The following ZNF385D variants were observed in gnomAD, a reference collection of about 807,000 sequenced individuals.
ZNF385D encodes zinc finger protein 659.
ZNF385D carries 15 observed loss-of-function variants against 35.8 expected under a neutral mutation model. That is an observed-to-expected ratio of 0.42 (90% CI 0.28 to 0.64). The LOEUF is 0.64. ZNF385D is among the 30% of genes least tolerant of loss of function. The probability of loss-of-function intolerance (pLI) is 0.23; values close to 1 mark genes in which losing one functional copy is unlikely to be tolerated. For missense variants in ZNF385D, 474 were observed against 494.6 expected (o/e 0.96, Z 0.39); for synonymous variants, 212 against 186.8 (o/e 1.13, Z -1.10).
At chr3:22,151,655 G>A (rs1463234445) in intron 3 of ZNF385D, among the ~76,000 whole-genome samples, 2 of 152,040 alleles carry the variant, frequency 1.3e-5, no homozygotes, top group African/African-American at 4.8e-5. Flanking sequence ...ATTGGCTGGG[G>A]CCCACCCGAA....
intron 2 of ZNF385D, among the ~76,000 whole-genome samples, chr3:22,315,280 A>G (rs1703823197): frequency 6.6e-6 from 1 of 152,176 alleles, no homozygotes; most frequent in Non-Finnish European, 1.5e-5. Context: ...TTGGGAAACA[A>G]TGACTTGTTT....
chr3:22,071,092 A>G (rs1412989360), intron 3 of ZNF385D, among the ~76,000 whole-genome samples: 3 of 152,184 alleles, frequency 2.0e-5, no homozygotes, highest in Non-Finnish European at 4.4e-5. Context: ...TATTTATGAC[A>G]TAGCTCAGTC....
intron 3 of ZNF385D, among the ~76,000 whole-genome samples, chr3:22,039,343 T>G (rs1198343066): frequency 6.6e-6 from 1 of 151,228 alleles, no homozygotes; most frequent in Non-Finnish European, 1.5e-5. Flanking sequence ...GTCAACTTCC[T>G]AAAATCAGGC....
chr3:21,808,609 T>G (rs1456292408), intron 3 of ZNF385D, among the ~76,000 whole-genome samples: 1 of 152,216 alleles, frequency 6.6e-6, no homozygotes, highest in Non-Finnish European at 1.5e-5. Flanking sequence ...AGCTACTGGG[T>G]GGACTGTTGT....
intron 1 of ZNF385D, among the ~76,000 whole-genome samples, chr3:21,688,778 G>A (rs7625976): frequency 0.14 from 21,849 of 152,160 alleles, 1,873 homozygotes; most frequent in African/African-American, 0.22. Flanking sequence ...CACAAAGAGA[G>A]ATTTCTCAGT....
At chr3:22,021,477 C>G (rs1243237802) in intron 3 of ZNF385D, among the ~76,000 whole-genome samples, 1 of 152,048 alleles carries the variant, frequency 6.6e-6, no homozygotes, top group Non-Finnish European at 1.5e-5. Flanking sequence ...CAGAGTCAAA[C>G]TGACCTAGGT....
intron 3 of ZNF385D, among the ~76,000 whole-genome samples, chr3:22,023,037 A>C (rs193145608): frequency 2.3e-4 from 35 of 152,308 alleles, no homozygotes; most frequent in African/African-American, 7.2e-4. Flanking sequence ...CCTTAAAAAT[A>C]ATGTGTATTC....
intron 2 of ZNF385D, among the ~76,000 whole-genome samples, chr3:21,655,642 C>G (rs2066051143): frequency 6.6e-6 from 1 of 151,834 alleles, no homozygotes; most frequent in Non-Finnish European, 1.5e-5. Flanking sequence ...TTGAGGTATA[C>G]CAAATTATTA....
chr3:22,144,575 A>C, intron 3 of ZNF385D, among the ~76,000 whole-genome samples: 1 of 37,710 alleles, frequency 2.7e-5, no homozygotes. Context: ...TCCATTTCAA[A>C]AAAAAAAAAA....
intron 2 of ZNF385D, among the ~76,000 whole-genome samples, chr3:22,184,499 G>C (rs6808997): frequency 0.62 from 94,836 of 151,944 alleles, 31,714 homozygotes; most frequent in African/African-American, 0.87. Context: ...TTCAACTACA[G>C]AAACAAAAGA....
intron 2 of ZNF385D, among the ~76,000 whole-genome samples, chr3:22,358,564 G>A (rs572946275): frequency 1.3e-4 from 20 of 151,748 alleles, no homozygotes; most frequent in South Asian, 1.2e-3. Flanking sequence ...GAGGAAGTGC[G>A]GTCATAAAAT....
At chr3:21,753,627 A>G (rs543386491), upstream of ZNF385D, among the ~76,000 whole-genome samples, 1 of 152,372 alleles carries the variant, frequency 6.6e-6, no homozygotes, top group African/African-American at 2.4e-5. Flanking sequence ...CTTATCTGGA[A>G]TGTAGAAGCT....
At chr3:22,013,402 G>A (rs1231232166) in intron 3 of ZNF385D, among the ~76,000 whole-genome samples, 3 of 152,040 alleles carry the variant, frequency 2.0e-5, no homozygotes, top group Admixed American at 6.6e-5. Flanking sequence ...ACCATATTAT[G>A]GCAGTTAGAA....
rs1701598238 is a variant in ZNF385D at position 21,437,191 on chromosome 3, C to A, written c.452G>T (p.Gly151Val). 1.9e-6 allele frequency: 3 copies of A among 1,613,038 alleles called. No homozygotes were observed. Among genetic ancestry groups the A allele is most frequent in the Non-Finnish European group, 2.5e-6 (3 of 1,179,608 alleles). The change falls in exon 5 of 8, where the codon GGG (glycine) becomes GTG (valine). Residue 151 changes from glycine to valine, a missense_variant. Transcript: ENST00000281523. ...TGTCGTCGTTGATATTGCTGGTGTC[C>A]CTGCAGTACCGTCTGTATTCAAAAT... ...TSSDKTDGTAGTPAISTTTTV... is the reference protein window; with the variant it reads ...TSSDKTDGTAVTPAISTTTTV...
rs764053309 is a variant in ZNF385D, at chr3:21,939,774, T to C, written c.325+229043A>G. On this transcript the variant is annotated intron_variant, in intron 3 of 5. Transcript: ENST00000494108. The stretch of plus-strand genomic sequence containing the variant: ...TGAAGGTTTTAAGCACTAGATTCGA[T>C]AGGAGAAAGACTTTGGAAAAGGAAT... Among the ~76,000 whole-genome samples the C allele has an allele frequency of 3.3e-5, 5 of 152,318 alleles. 1 individual carries two copies. In the South Asian group the frequency reaches 8.3e-4, roughly 25 times the overall value.
intron 3 of ZNF385D, among the ~76,000 whole-genome samples, chr3:21,937,870 C>A (rs1346431952): frequency 6.6e-6 from 1 of 152,152 alleles, no homozygotes; most frequent in African/African-American, 2.4e-5. Flanking sequence ...GCCTCTATAA[C>A]ATAAGCGTAT....
At chr3:22,137,255 G>C (rs1704195875) in intron 3 of ZNF385D, among the ~76,000 whole-genome samples, 1 of 152,082 alleles carries the variant, frequency 6.6e-6, no homozygotes, top group South Asian at 2.1e-4. Context: ...AGGAGGAGCT[G>C]GTACCATTCA....
intron 3 of ZNF385D, among the ~76,000 whole-genome samples, chr3:21,772,324 A>T (rs58209831): frequency 6.6e-6 from 1 of 151,618 alleles, no homozygotes; most frequent in Non-Finnish European, 1.5e-5. Flanking sequence ...TTGCAAATCA[A>T]GTATCTGATA....
chr3:22,005,370 CAG>C (rs1413103080), intron 3 of ZNF385D, among the ~76,000 whole-genome samples: 5 of 151,980 alleles, frequency 3.3e-5, no homozygotes, highest in African/African-American at 1.2e-4. Context: ...TTATGGAAAA[CAG>C]TGTGGAGTTT....
Sources: allele counts gnomAD v4.1 joint callset (sites outside exome capture counted in the v4.1 genomes callset), GRCh38; gene constraint gnomAD v4.1.1; transcripts MANE v1.5; gene names NCBI Gene and HGNC (gene_info 2026-07-23, HGNC 2026-07-21).